The following UNC13A variants were observed in gnomAD, a reference collection of about 807,000 sequenced individuals.
The protein encoded by UNC13A is unc-13 homolog A.
A neutral mutation model predicts 219.7 loss-of-function variants in UNC13A; 61 were observed. That is an observed-to-expected ratio of 0.28 (90% CI 0.23 to 0.34). The LOEUF (loss-of-function observed/expected upper bound fraction) is 0.34, where lower values mean the gene tolerates loss of function less well. UNC13A is among the 10% of genes least tolerant of loss of function. The pLI is 1.00. For synonymous variants in UNC13A, 920 were observed against 884.6 expected (o/e 1.04, Z -0.71); for missense variants, 1,476 against 2,270.3 (o/e 0.65, Z 7.11).
chr19:17,613,133 G>C (rs1340545275), intron 41 of UNC13A, among the ~76,000 whole-genome samples: 2 of 151,996 alleles, frequency 1.3e-5, no homozygotes, highest in African/African-American at 4.8e-5. Context: ...TTGGGAAGCT[G>C]AGACAGGAGA....
At chr19:17,621,216 A>T (rs28614014) in intron 37 of UNC13A, among the ~76,000 whole-genome samples, 1 of 152,030 alleles carries the variant, frequency 6.6e-6, no homozygotes. Context: ...ACAAAAACCC[A>T]CACACCCTTC....
chr19:17,656,644 G>A (rs2079459943), intron 9 of UNC13A, among the ~76,000 whole-genome samples: 1 of 152,156 alleles, frequency 6.6e-6, no homozygotes, highest in African/African-American at 2.4e-5. Context: ...CTGAGGTCAG[G>A]AGTTCAAGAC....
At chr19:17,620,879 C>A (rs2076722652) in intron 37 of UNC13A, among the ~76,000 whole-genome samples, 157 bp from the exon 38 acceptor site, 1 of 152,050 alleles carries the variant, frequency 6.6e-6, no homozygotes, top group South Asian at 2.1e-4. Context: ...CCAGCTAGCA[C>A]CTCCTCTGGT....
intron 9 of UNC13A, among the ~76,000 whole-genome samples, chr19:17,657,246 C>T (rs903002370): frequency 8.5e-5 from 13 of 152,190 alleles, no homozygotes; most frequent in African/African-American, 3.1e-4. Flanking sequence ...CACTTCTCCC[C>T]GCCTCCTCCA....
intron 38 of UNC13A, among the ~76,000 whole-genome samples, chr19:17,620,413 T>A (rs2076715461): frequency 6.6e-6 from 1 of 152,180 alleles, no homozygotes; most frequent in African/African-American, 2.4e-5. Context: ...AAGGCACAGT[T>A]ACTCAGGGGT....
chr19:17,617,629 G>A (rs2076680967), intron 41 of UNC13A, 73 bp downstream of exon 41: 1 of 1,581,038 alleles, frequency 6.3e-7, no homozygotes, highest in Non-Finnish European at 8.7e-7. Flanking sequence ...GTGAGCCAAT[G>A]GCAGCCGTTC....
At chr19:17,617,535 C>T (rs1202748079) in intron 41 of UNC13A, among the ~76,000 whole-genome samples, 167 bp downstream of exon 41, 1 of 152,142 alleles carries the variant, frequency 6.6e-6, no homozygotes, top group African/African-American at 2.4e-5. Flanking sequence ...AGAGGCCCCG[C>T]CCCCATGAAC....
intron 11 of UNC13A, 113 bp downstream of exon 11, chr19:17,655,160 TG>T: frequency 1.2e-6 from 1 of 828,506 alleles, no homozygotes; most frequent in Non-Finnish European, 2.0e-6. Flanking sequence ...TGGGTACGGG[TG>T]GGGTGTTGGG....
chr19:17,637,275 T>G (rs2076921864), intron 25 of UNC13A, among the ~76,000 whole-genome samples: 1 of 149,650 alleles, frequency 6.7e-6, no homozygotes, highest in Non-Finnish European at 1.5e-5. Context: ...GAGCCCAGCC[T>G]GGCTCACTAA....
At chr19:17,677,441 G>A (rs111722374) in intron 1 of UNC13A, among the ~76,000 whole-genome samples, 15,809 of 149,446 alleles carry the variant, frequency 0.11, 900 homozygotes, top group East Asian at 0.15. Context: ...TCAGCTCACC[G>A]CAACTTCTAC....
rs1199905098 is a variant in UNC13A, at chr19:17,611,855, C to G, written c.4559G>C (p.Gly1520Ala). The change falls in exon 42 of 44, where the codon GGC becomes GCC. Residue 1520 changes from glycine (G) to alanine (A), a missense_variant and splice_region_variant. Around this residue, in one of 14 missense-constraint regions of UNC13A, gnomAD observed 77 missense variants for 94.8 expected, o/e 0.81. Coordinates refer to ENST00000519716, the MANE Select transcript of UNC13A (RefSeq NM_001080421.3). ...KTFVQTQSAQ[G>A]LGVEDPVGEV... ...ACCCACAGGGTCTTCTACACCCAAG[C>G]CTGGGCAGGGCAGGGGAGGATGGTC... is the stretch of plus-strand genomic sequence containing the variant. 6.2e-7 allele frequency: 1 copy of G among 1,613,754 alleles called. No individual in the cohort carries two copies. Among genetic ancestry groups the G allele is most frequent in the South Asian group, 1.1e-5 (1 of 91,046 alleles).
chr19:17,686,293 T>TCCCCCCCCCC (rs2145941088), intron 1 of UNC13A, among the ~76,000 whole-genome samples: 1 of 26,620 alleles, frequency 3.8e-5, no homozygotes, highest in Admixed American at 5.0e-4. Context: ...AAGGGTGAGA[T>TCCCCCCCCCC]CCCCGCCCCC....
chr19:17,669,031 A>C (rs978923697), intron 5 of UNC13A, among the ~76,000 whole-genome samples: 1 of 152,032 alleles, frequency 6.6e-6, no homozygotes, highest in African/African-American at 2.4e-5. Context: ...CCTGGCCTCA[A>C]ATGATCCTCC....
chr19:17,639,344 G>A, intron 24 of UNC13A, 92 bp downstream of exon 24: 1 of 1,564,254 alleles, frequency 6.4e-7, no homozygotes, highest in African/African-American at 1.4e-5. Context: ...GAGAAAGGCT[G>A]CCACTCTCCA....
Position 17,609,553 on chromosome 19 carries a change from G to GC in UNC13A, c.4811+386dup, listed in dbSNP as rs754823164. Among the ~76,000 whole-genome samples, 254 of 151,438 alleles carry GC rather than the reference G, an allele frequency of 1.7e-3. 2 individuals carry two copies. Among genetic ancestry groups the GC allele is most frequent in the Non-Finnish European group, 2.2e-3 (148 of 67,838 alleles). ...CTCAGTCCTGTCCCCAGGTCCCTCA[G>GC]CCCCCCGCTCATAAGCGTCATCACT... On this transcript the variant is annotated intron_variant, in intron 43 of 43. Coordinates refer to ENST00000519716, the MANE Select transcript of UNC13A (RefSeq NM_001080421.3).
Position 17,602,459 on chromosome 19 carries a change from T to G in UNC13A, c.*3595A>C, listed in dbSNP as rs2076475648. 6.6e-6 allele frequency: 1 copy of G among 152,258 alleles called. No individual in the cohort carries two copies. Among genetic ancestry groups the G allele is most frequent in the Non-Finnish European group, 1.5e-5 (1 of 68,094 alleles). 9.4% of individuals were successfully genotyped at this position (152,258 alleles called of 1,614,324 possible). ...ACCCTTGCCCTGCCACAGGCCAACC[T>G]TCTTGTGCTGTTTCCCCGATTCATG... On this transcript the variant is annotated 3_prime_UTR_variant, in exon 44 of 44. Transcript: ENST00000519716.
chr19:17,666,199 T>TC (rs760106069), intron 7 of UNC13A, among the ~76,000 whole-genome samples: 1 of 144,060 alleles, frequency 6.9e-6, no homozygotes, highest in East Asian at 2.0e-4. Context: ...CTTTCTCTCT[T>TC]TCTTTCTCTT....
rs769136955 is a variant in UNC13A at position 17,641,518 on chromosome 19, C to T, written c.2511G>A (p.Gly837=). ...FHFVTDVQNN[G]VVKIPDAKGD... ...CCTTGGCATCTGGGATCTTCACGAC[C>T]CCATTGTTCTGCACGTCGGTCACGA... The change falls in exon 21 of 44, where the codon GGG becomes GGA. Residue 837 remains glycine (G), a synonymous_variant. Coordinates refer to ENST00000519716, the MANE Select transcript of UNC13A (RefSeq NM_001080421.3). 4 of 1,613,930 alleles carry T rather than the reference C, an allele frequency of 2.5e-6. No homozygotes were observed. The highest frequency in any genetic ancestry group is 1.7e-5 in the Admixed American group (1 of 59,988).
chr19:17,645,044 C>T (rs1299440626), intron 19 of UNC13A, among the ~76,000 whole-genome samples: 6 of 132,846 alleles, frequency 4.5e-5, no homozygotes, highest in East Asian at 4.5e-4. Flanking sequence ...GTTTTGCTCT[C>T]GTTGCCTAGG....
Sources: allele counts gnomAD v4.1 joint callset (sites outside exome capture counted in the v4.1 genomes callset), GRCh38; gene constraint gnomAD v4.1.1; regional missense constraint gnomAD v4.1.1; transcripts MANE v1.5; gene names NCBI Gene and HGNC (gene_info 2026-07-23, HGNC 2026-07-21).